Variants in DDX18 observed in about 807,000 individuals in gnomAD.
The protein encoded by DDX18 is DEAD-box helicase 18, also known as ATP-dependent RNA helicase DDX18.
DDX18 carries 23 observed loss-of-function variants against 73.5 expected under a neutral mutation model. The ratio of observed to expected loss-of-function variants is 0.31; its 90% CI spans 0.23 to 0.44. DDX18 has a LOEUF of 0.44. Ranked by LOEUF, DDX18 falls within the 20% of genes least tolerant of loss-of-function variation. The pLI is 1.00. For missense variants in DDX18, 753 were observed against 792.9 expected (o/e 0.95, Z 0.60); for synonymous variants, 268 against 282.7 (o/e 0.95, Z 0.52).
At chr2:117,817,770 C>G in intron 2 of DDX18, 42 bp downstream of exon 2, 1 of 1,548,962 alleles carries the variant, frequency 6.5e-7, no homozygotes, top group African/African-American at 1.4e-5. Context: ...TTTAGTTTTT[C>G]ACAGACGGTT....
Position 117,821,638 on chromosome 2 carries a change from T to A in DDX18, c.651-12T>A, listed in dbSNP as rs1445096514. ...GCTAAATGTCTTTCTCCTTTCCCTTTTTAATATTTAGGGATCTTCTAGCAG... is the reference window on the plus strand; with the variant it reads ...GCTAAATGTCTTTCTCCTTTCCCTTATTAATATTTAGGGATCTTCTAGCAG... On this transcript the variant is annotated splice_polypyrimidine_tract_variant and intron_variant, in intron 4 of 13. Coordinates refer to ENST00000263239, the MANE Select transcript of DDX18 (RefSeq NM_006773.4). The A allele has an allele frequency of 6.2e-6, 10 of 1,613,550 alleles. No homozygotes were observed. The highest frequency in any genetic ancestry group is 8.5e-6 in the Non-Finnish European group (10 of 1,179,706).
At chr2:117,826,090 T>G (rs571567450) in intron 10 of DDX18, 179 bp from the exon 11 acceptor site, 1 of 166,468 alleles carries the variant, frequency 6.0e-6, no homozygotes, top group Non-Finnish European at 1.1e-5. Context: ...CTATTGGGGG[T>G]GATGTGCACA....
In DDX18 at chr2:117,821,143, A is replaced by G; in HGVS notation, c.515-18A>G. 1.3e-6 allele frequency: 2 copies of G among 1,521,494 alleles called. No individual in the cohort carries two copies. Among genetic ancestry groups the G allele is most frequent in the Non-Finnish European group, 1.8e-6 (2 of 1,136,850 alleles). The allele number at this position is 1,521,494 out of a possible 1,614,324, so 94.2% of individuals were successfully genotyped here. ...AAAAAAAGATAAATTTGCTAATGAT[A>G]AATTGTCTTCTGTTTAGGAGCTTTT... is the stretch of plus-strand genomic sequence containing the variant. On this transcript the variant is annotated intron_variant, in intron 3 of 13. Coordinates refer to ENST00000263239, the MANE Select transcript of DDX18 (RefSeq NM_006773.4).
chr2:117,824,802 G>A (rs1273184237), intron 8 of DDX18, 94 bp downstream of exon 8: 11 of 1,476,994 alleles, frequency 7.4e-6, no homozygotes, highest in Non-Finnish European at 9.9e-6. Context: ...ATGGGTTAAT[G>A]AACTTTTAAA....
chr2:117,817,530 C>G lies in DDX18; in HGVS notation c.172C>G (p.Gln58Glu). ...MGSRKVKKSK[Q>E]KPMNVGLSET... Reference sequence around the variant, plus strand: ...AAGTAGAAAGGTTAAAAAATCAAAACAAAAGCCCATGAATGTGGGCTTATC... The same window carrying G: ...AAGTAGAAAGGTTAAAAAATCAAAAGAAAAGCCCATGAATGTGGGCTTATC... Residue 58 changes from glutamine (Q) to glutamate (E), a missense_variant, in exon 2 of 14, where the codon CAA becomes GAA. This residue lies in a region of DDX18 where 345 missense variants were observed against 352.0 expected (regional missense o/e 0.98). Transcript: ENST00000263239. 6.2e-7 allele frequency: 1 copy of G among 1,613,764 alleles called. No homozygotes were observed. Among genetic ancestry groups the G allele is most frequent in the South Asian group, 1.1e-5 (1 of 91,046 alleles).
Position 117,817,567 on chromosome 2 carries a change from A to G in DDX18, c.209A>G (p.Asn70Ser). 1 of 1,614,030 alleles carries G rather than the reference A, an allele frequency of 6.2e-7. No individual in the cohort carries two copies. Among genetic ancestry groups the G allele is most frequent in the South Asian group, 1.1e-5 (1 of 91,070 alleles). Reference sequence around the variant, plus strand: ...AATGTGGGCTTATCAGAAACTCAAAATGGAGGCATGTCTCAAGAAGCAGTG... The same window carrying G: ...AATGTGGGCTTATCAGAAACTCAAAGTGGAGGCATGTCTCAAGAAGCAGTG... ...PMNVGLSETQNGGMSQEAVGN... is the reference protein window; with the variant it reads ...PMNVGLSETQSGGMSQEAVGN... The change falls in exon 2 of 14, where the codon AAT (asparagine) becomes AGT (serine). Residue 70 changes from asparagine to serine, a missense_variant. Asn to Ser is a conservative substitution (Grantham distance 46). Coordinates refer to ENST00000263239, the MANE Select transcript of DDX18 (RefSeq NM_006773.4).
chr2:117,829,352 T>A lies in DDX18; in HGVS notation c.1756T>A (p.Tyr586Asn). 6.2e-7 allele frequency: 1 copy of A among 1,613,942 alleles called. No individual in the cohort carries two copies. Among genetic ancestry groups the A allele is most frequent in the East Asian group, 2.2e-5 (1 of 44,900 alleles). The change falls in exon 13 of 14, where the codon TAC becomes AAC. Residue 586 changes from tyrosine to asparagine, a missense_variant. This residue lies in a region of DDX18 where 402 missense variants were observed against 419.4 expected (regional missense o/e 0.96). Transcript: ENST00000263239. ...HKSAQEAYKSYIRAYDSHSLK... is the reference protein window; with the variant it reads ...HKSAQEAYKSNIRAYDSHSLK... ...GTCAGCCCAGGAAGCATATAAGTCA[T>A]ACATACGAGCCTATGATTCCCATTC...
chr2:117,827,080 T>G (rs1679939311), intron 11 of DDX18: 1 of 152,440 alleles, frequency 6.6e-6, no homozygotes, highest in Non-Finnish European at 1.5e-5. Context: ...CTAGGCCATG[T>G]GGGGGATGCA....
Position 117,825,111 on chromosome 2 carries a change from G to A in DDX18, c.1368+10G>A. On this transcript the variant is annotated intron_variant, in intron 9 of 13. Coordinates refer to ENST00000263239, the MANE Select transcript of DDX18 (RefSeq NM_006773.4). ...CGTCTTGGCCATTCATGTAAGTGAT[G>A]ATGATGAGCTCATTGAAAACAGGGT... 6.2e-7 allele frequency: 1 copy of A among 1,603,614 alleles called. No individual in the cohort carries two copies. The highest frequency in any genetic ancestry group is 8.5e-7 in the Non-Finnish European group (1 of 1,176,868).
At chr2:117,825,672 C>T (rs1233045209) in intron 10 of DDX18, 73 bp downstream of exon 10, 29 of 1,536,722 alleles carry the variant, frequency 1.9e-5, no homozygotes, top group South Asian at 8.3e-5. Context: ...AGTTCCCTGA[C>T]GGAAACTGCA....
At chr2:117,815,928 A>G (rs527826266) in intron 1 of DDX18, among the ~76,000 whole-genome samples, 1 of 152,302 alleles carries the variant, frequency 6.6e-6, no homozygotes, top group Non-Finnish European at 1.5e-5. Context: ...CCCAGGCTAC[A>G]TGATATAGCC....
chr2:117,826,452 T>C, intron 11 of DDX18, 70 bp downstream of exon 11: 1 of 1,433,402 alleles, frequency 7.0e-7, no homozygotes, highest in Non-Finnish European at 9.7e-7. Flanking sequence ...TTTCTACATG[T>C]GTCAGAGGAG....
intron 2 of DDX18, 56 bp from the exon 3 acceptor site, chr2:117,819,593 T>C: frequency 7.0e-7 from 1 of 1,430,240 alleles, no homozygotes; most frequent in Non-Finnish European, 9.3e-7. Context: ...GTTGATCTCA[T>C]TTGGAATTCT....
rs1357309299 is a variant in DDX18, at chr2:117,832,197, ATATTT to A, written c.*1474_*1478del. The A allele has an allele frequency of 6.6e-6, 1 of 152,190 alleles. No individual in the cohort carries two copies. The highest frequency in any genetic ancestry group is 2.4e-5 in the African/African-American group (1 of 41,456). The allele number at this position is 152,190 out of a possible 1,614,324, so 9.4% of individuals were successfully genotyped here. On this transcript the variant is annotated 3_prime_UTR_variant, in exon 14 of 14. Transcript: ENST00000263239. The stretch of plus-strand genomic sequence containing the variant: ...TTAAAAGACAAAAACAAAGGGAAGA[ATATTT>A]AATTACTGAGCAGAAGTAAATACTG...
chr2:117,819,574 CTTCT>C, intron 2 of DDX18, 71 bp from the exon 3 acceptor site: 6 of 1,270,786 alleles, frequency 4.7e-6, no homozygotes, highest in Non-Finnish European at 6.3e-6. Context: ...TATCAGAGAT[CTTCT>C]GTTTGTTGAT....
At chr2:117,814,967 C>T (rs1486649449) in intron 1 of DDX18, 105 bp downstream of exon 1, 3 of 1,178,304 alleles carry the variant, frequency 2.5e-6, no homozygotes, top group Non-Finnish European at 2.5e-6. Context: ...GCAGCTTCCC[C>T]TGCAGCGTGT....
chr2:117,822,166 A>C lies in DDX18; in HGVS notation c.971A>C (p.Tyr324Ser), dbSNP rs769242755. Residue 324 changes from tyrosine to serine, a missense_variant, in exon 7 of 14, where the codon TAT (tyrosine) becomes TCT (serine). Transcript: ENST00000263239. ...DHMQNTPGFM[Y>S]KNLQCLVIDE... ...TGTTAGAATACCCCAGGATTTATGT[A>C]TAAAAACCTGCAGTGTCTGGTTATT... 2 of 1,613,982 alleles carry C rather than the reference A, an allele frequency of 1.2e-6. No individual in the cohort carries two copies. The highest frequency in any genetic ancestry group is 2.2e-5 in the South Asian group (2 of 91,080).
chr2:117,825,303 T>C (rs1281576339), intron 9 of DDX18, 144 bp from the exon 10 acceptor site: 12 of 1,215,814 alleles, frequency 9.9e-6, no homozygotes, highest in Non-Finnish European at 1.4e-5. Context: ...CCATCCTCCT[T>C]GAGGGGCTTG....
At chr2:117,822,606 C>T (rs940206145) in intron 7 of DDX18, 1 of 188,808 alleles carries the variant, frequency 5.3e-6, no homozygotes, top group Non-Finnish European at 1.1e-5. Flanking sequence ...ACATTATGAA[C>T]TGGTTATAAC....
Sources: allele counts gnomAD v4.1 joint callset (sites outside exome capture counted in the v4.1 genomes callset), GRCh38; gene constraint gnomAD v4.1.1; regional missense constraint gnomAD v4.1.1; transcripts MANE v1.5; gene names NCBI Gene and HGNC (gene_info 2026-07-23, HGNC 2026-07-21).